SLC22A13: variants seen among roughly 807,000 people sequenced by gnomAD.
SLC22A13 encodes the protein organic anion transporter 10.
SLC22A13 carries 42 observed loss-of-function variants against 49.1 expected under a neutral mutation model. That is an observed-to-expected ratio of 0.85 (90% CI 0.67 to 1.11). SLC22A13 has a LOEUF of 1.11. Among genes scored for constraint, SLC22A13 ranks in the 50% least tolerant of loss-of-function variants. SLC22A13 has a pLI of 0.00. For synonymous variants in SLC22A13, 282 were observed against 293.1 expected, an observed-to-expected ratio of 0.96 and a Z score of 0.39; for missense variants, 694 against 712.8, an observed-to-expected ratio of 0.97 and a Z score of 0.30.
At chr3:38,276,798 C>A in intron 8 of SLC22A13, 114 bp from the exon 9 acceptor site, 2 of 893,878 alleles carry the variant, frequency 2.2e-6, no homozygotes, top group Non-Finnish European at 3.4e-6. Flanking sequence ...CTGGGTGAGG[C>A]TGGAGACCCT....
rs146018002 is a variant in SLC22A13 at position 38,277,067 on chromosome 3, A to G, written c.1502A>G (p.Glu501Gly). Residue 501 changes from glutamate to glycine, a missense_variant, in exon 9 of 10, where the codon GAG becomes GGG. Transcript: ENST00000311856. ...GGCCTGCTGTGCACCCTGCTGCCAG[A>G]GACGCATGGCCAGGGCCTGAAAGAC... ...VAGLLCTLLP[E>G]THGQGLKDTL... 3 of 1,589,338 alleles carry G rather than the reference A, an allele frequency of 1.9e-6. No individual in the cohort carries two copies. The African/African-American group carries it at 4.0e-5, about 21-fold the overall frequency.
chr3:38,274,719 A>T lies in SLC22A13; in HGVS notation c.598A>T (p.Thr200Ser), dbSNP rs749651372. Reference sequence around the variant, plus strand: ...CATGGCCCTGCGCTTTGCTGTGGCTACTGCCGTCGCTGGACTTAGCTTCAG... The same window carrying T: ...CATGGCCCTGCGCTTTGCTGTGGCTTCTGCCGTCGCTGGACTTAGCTTCAG... ...LYMALRFAVA[T>S]AVAGLSFSNV... is the part of the protein sequence containing the mutation. Residue 200 changes from threonine to serine, a missense_variant, in exon 3 of 10, where the codon ACT becomes TCT. By Grantham distance (58) the Thr-to-Ser change is moderately conservative. Coordinates refer to ENST00000311856, the MANE Select transcript of SLC22A13 (RefSeq NM_004256.4). 6.2e-7 allele frequency: 1 copy of T among 1,614,154 alleles called. No individual in the cohort carries two copies. Among genetic ancestry groups the T allele is most frequent in the South Asian group, 1.1e-5 (1 of 91,084 alleles).
chr3:38,268,606 G>A (rs1703487021), intron 1 of SLC22A13, among the ~76,000 whole-genome samples: 1 of 152,172 alleles, frequency 6.6e-6, no homozygotes, highest in Non-Finnish European at 1.5e-5. Flanking sequence ...TCATCTGTCA[G>A]TGAAAGAAGT....
At position 38,278,185 on chromosome 3, in the gene SLC22A13, GCCT is replaced by G. The variant is rs1222396415; in HGVS notation, c.*727_*729del. The G allele has an allele frequency of 2.6e-5, 4 of 152,700 alleles. No individual in the cohort carries two copies. The highest frequency in any genetic ancestry group is 9.6e-5 in the African/African-American group (4 of 41,464). 9.5% of individuals were successfully genotyped at this position (152,700 alleles called of 1,614,324 possible). ...TTTGTTCTGCTCCCCGCCTCACCCC[GCCT>G]CCTCCTGCTCATGCTCAGCTGCTTC... On this transcript the variant is annotated 3_prime_UTR_variant, in exon 10 of 10. Transcript: ENST00000311856.
At position 38,265,949 on chromosome 3, in the gene SLC22A13, TC is replaced by T. The variant is rs1559535490; in HGVS notation, c.91del (p.Leu31CysfsTer14). The T allele has an allele frequency of 1.2e-6, 2 of 1,614,178 alleles. No individual in the cohort carries two copies. Among genetic ancestry groups the T allele is most frequent in the East Asian group, 2.2e-5 (1 of 44,890 alleles). On this transcript the variant is annotated frameshift_variant, in exon 1 of 10. Transcript: ENST00000311856. LOFTEE classifies it high-confidence loss of function. ...QLLILLCVLN[F>X]LSPFYFFAHV... ...TTGATCCTGCTGTGTGTTCTCAACT[TC>T]CTGTCTCCCTTCTACTTTTTTGCCC...
intron 1 of SLC22A13, among the ~76,000 whole-genome samples, chr3:38,271,542 CAAAAAA>C (rs397837435): frequency 2.1e-5 from 1 of 48,408 alleles, no homozygotes; most frequent in Non-Finnish European, 4.6e-5. Flanking sequence ...GACGCTTTCT[CAAAAAA>C]AAAAAAAAAA....
rs1703463144 is a variant in SLC22A13, at chr3:38,266,203, T to C, written c.343T>C (p.Tyr115His). The change falls in exon 1 of 10, where the codon TAT (tyrosine) becomes CAT (histidine). Residue 115 changes from tyrosine (Y) to histidine (H), a missense_variant. Tyr to His is a moderately conservative substitution (Grantham distance 83). Transcript: ENST00000311856. ...GCAGCCTTGTGATATGGGCTGGGAA[T>C]ATCCTGAGAACAGGCTCCCATCCCT... ...ETQPCDMGWE[Y>H]PENRLPSLKN... is the part of the protein sequence containing the mutation. 6.2e-7 allele frequency: 1 copy of C among 1,614,072 alleles called. No individual in the cohort carries two copies. The highest frequency in any genetic ancestry group is 1.7e-5 in the Admixed American group (1 of 60,010).
Position 38,266,164 on chromosome 3 carries a change from C to G in SLC22A13, c.304C>G (p.Arg102Gly). ...CAGCCTGCAGGACATCCTCAGCCAC[C>G]GCTTCAATGAGACGCAGCCTTGTGA... ...NASLQDILSH[R>G]FNETQPCDMG... The change falls in exon 1 of 10, where the codon CGC becomes GGC. Residue 102 changes from arginine to glycine, a missense_variant. By Grantham distance (125) the Arg-to-Gly change is moderately radical (BLOSUM62 -2). Transcript: ENST00000311856. The G allele has an allele frequency of 6.2e-7, 1 of 1,614,190 alleles. No homozygotes were observed. Among genetic ancestry groups the G allele is most frequent in the African/African-American group, 1.3e-5 (1 of 75,040 alleles).
chr3:38,275,336 A>G (rs768487039), intron 4 of SLC22A13, 34 bp from the exon 5 acceptor site: 1 of 1,613,378 alleles, frequency 6.2e-7, no homozygotes. Flanking sequence ...CTAGGACTCC[A>G]GGCCCCAAGG....
intron 6 of SLC22A13, 87 bp downstream of exon 6, chr3:38,275,759 G>T: frequency 6.7e-7 from 1 of 1,498,030 alleles, no homozygotes; most frequent in Non-Finnish European, 9.2e-7. Context: ...TGGCTGTTTG[G>T]CTGGGATGGT....
Position 38,266,202 on chromosome 3 carries a change from A to G in SLC22A13, c.342A>G (p.Glu114=), listed in dbSNP as rs1187850727. 1.2e-6 allele frequency: 2 copies of G among 1,614,192 alleles called. No individual in the cohort carries two copies. The highest frequency in any genetic ancestry group is 1.1e-5 in the South Asian group (1 of 91,088). The change falls in exon 1 of 10, where the codon GAA becomes GAG. Residue 114 remains glutamate, a synonymous_variant. Coordinates refer to ENST00000311856, the MANE Select transcript of SLC22A13 (RefSeq NM_004256.4). ...NETQPCDMGW[E]YPENRLPSLK... is the part of the protein sequence containing the mutation. ...CGCAGCCTTGTGATATGGGCTGGGA[A>G]TATCCTGAGAACAGGCTCCCATCCC...
At position 38,276,017 on chromosome 3, in the gene SLC22A13, G is replaced by A; in HGVS notation, c.1158G>A (p.Arg386=). 1 of 1,613,746 alleles carries A rather than the reference G, an allele frequency of 6.2e-7. No homozygotes were observed. Among genetic ancestry groups the A allele is most frequent in the Non-Finnish European group, 8.5e-7 (1 of 1,179,612 alleles). ...GTTCCAGCATCTTCATGATGCAGAG[G>A]TTTGGCCGCAAGTGGAGCCAGTTGG... is the stretch of plus-strand genomic sequence containing the variant. ...ARCSSIFMMQ[R]FGRKWSQLGT... The change falls in exon 7 of 10, where the codon AGG becomes AGA. Residue 386 remains arginine, a synonymous_variant. Coordinates refer to ENST00000311856, the MANE Select transcript of SLC22A13 (RefSeq NM_004256.4).
chr3:38,267,650 G>A (rs1703477489), intron 1 of SLC22A13, among the ~76,000 whole-genome samples: 4 of 152,188 alleles, frequency 2.6e-5, no homozygotes, highest in Admixed American at 2.6e-4. Flanking sequence ...AACTGTGCGG[G>A]GAAGTCAGAG....
At position 38,273,366 on chromosome 3, in the gene SLC22A13, C is replaced by T. The variant is rs78746291; in HGVS notation, c.379-906C>T. On this transcript the variant is annotated intron_variant, in intron 1 of 9. Transcript: ENST00000311856. ...GTCTCTCTCTTTCTCTGTCACACAC[C>T]TGCACATTCTCTCATTCTCTCCCTC... 4.2e-3 allele frequency among the ~76,000 whole-genome samples: 639 copies of T among 152,258 alleles called. 8 individuals carry two copies. The highest frequency in any genetic ancestry group is 0.015 in the African/African-American group (615 of 41,528).
intron 7 of SLC22A13, 61 bp downstream of exon 7, chr3:38,276,157 G>A (rs1178164015): frequency 7.9e-6 from 12 of 1,521,208 alleles, no homozygotes; most frequent in Middle Eastern, 1.8e-4. Context: ...CCAGGGGCTA[G>A]ACCAGTGGCC....
At chr3:38,268,396 C>T (rs1418282085) in intron 1 of SLC22A13, among the ~76,000 whole-genome samples, 1 of 152,180 alleles carries the variant, frequency 6.6e-6, no homozygotes, top group Non-Finnish European at 1.5e-5. Context: ...GTTATCATTC[C>T]ATAGACATCT....
At chr3:38,273,303 T>G (rs934416064) in intron 1 of SLC22A13, among the ~76,000 whole-genome samples, 6 of 152,140 alleles carry the variant, frequency 3.9e-5, no homozygotes, top group African/African-American at 1.4e-4. Context: ...GGCTGTGGGA[T>G]TCTCTCTATA....
Position 38,266,152 on chromosome 3 carries a change from A to G in SLC22A13, c.292A>G (p.Ile98Val), listed in dbSNP as rs771535825. 1.2e-6 allele frequency: 2 copies of G among 1,614,118 alleles called. No individual in the cohort carries two copies. The highest frequency in any genetic ancestry group is 1.7e-6 in the Non-Finnish European group (2 of 1,180,010). Reference protein sequence around the residue: ...PPPANASLQDILSHRFNETQP... With the variant: ...PPPANASLQDVLSHRFNETQP... Reference sequence around the variant, plus strand: ...CCCCGCCAATGCCAGCCTGCAGGACATCCTCAGCCACCGCTTCAATGAGAC... The same window carrying G: ...CCCCGCCAATGCCAGCCTGCAGGACGTCCTCAGCCACCGCTTCAATGAGAC... Residue 98 changes from isoleucine (I) to valine (V), a missense_variant, in exon 1 of 10, where the codon ATC becomes GTC. Transcript: ENST00000311856.
rs1402499007 is a variant in SLC22A13 at position 38,276,095 on chromosome 3, A to G, written c.1236A>G (p.Ala412=). ...LMCIIIIFIP[A]DLPVVVTMLA... The stretch of plus-strand genomic sequence containing the variant: ...GTATCATCATCATCTTCATCCCAGC[A>G]GGTATCAGGGCTGGCTATCCCTCAC... Residue 412 remains alanine, a splice_region_variant and synonymous_variant, in exon 7 of 10, where the codon GCA becomes GCG. Transcript: ENST00000311856. 1 of 1,612,352 alleles carries G rather than the reference A, an allele frequency of 6.2e-7. No individual in the cohort carries two copies. Among genetic ancestry groups the G allele is most frequent in the African/African-American group, 1.3e-5 (1 of 74,890 alleles).
Sources: gnomAD v4.1 joint callset for allele counts (sites outside exome capture counted in the v4.1 genomes callset) on GRCh38, gnomAD v4.1.1 for gene constraint, MANE v1.5 for transcripts, NCBI Gene and HGNC (gene_info 2026-07-23, HGNC 2026-07-21) for gene names.